CSPP1: variants seen among roughly 807,000 people sequenced by gnomAD.
The protein encoded by CSPP1 is centrosome and spindle pole-associated protein 1.
In CSPP1, 126 loss-of-function variants were observed where a neutral mutation model predicts 164.4. The ratio of observed to expected loss-of-function variants is 0.77; its 90% CI spans 0.66 to 0.89. The LOEUF is 0.89. Ranked by LOEUF, CSPP1 falls within the 40% of genes least tolerant of loss-of-function variation. The pLI is 0.00. For synonymous variants in CSPP1, 472 were observed against 476.7 expected, an observed-to-expected ratio of 0.99 and a Z score of 0.13; for missense variants, 1,395 against 1,449.8, an observed-to-expected ratio of 0.96 and a Z score of 0.61.
chr8:67,064,493 C>A lies in CSPP1; in HGVS notation c.-56C>A, dbSNP rs1563460152. The A allele has an allele frequency of 6.2e-7, 1 of 1,613,752 alleles. No individual in the cohort carries two copies. Among genetic ancestry groups the A allele is most frequent in the African/African-American group, 1.3e-5 (1 of 75,052 alleles). On this transcript the variant is annotated 5_prime_UTR_variant, in exon 1 of 31. The change creates a new upstream start codon in the 5' untranslated region. Coordinates refer to ENST00000678616, the MANE Select transcript of CSPP1 (RefSeq NM_001382391.1). Reference sequence around the variant, plus strand: ...TCTCCCCGGACGCGAGCCCGCTCCCCTGAGTAAGAGTCAGCCAGCCGCGGA... The same window carrying A: ...TCTCCCCGGACGCGAGCCCGCTCCCATGAGTAAGAGTCAGCCAGCCGCGGA...
intron 24 of CSPP1, among the ~76,000 whole-genome samples, chr8:67,169,967 C>A (rs918554363): frequency 6.6e-6 from 1 of 151,826 alleles, no homozygotes; most frequent in Non-Finnish European, 1.5e-5. Flanking sequence ...AGGCTGGTCT[C>A]GAACTCCTGA....
chr8:67,071,568 G>T lies in CSPP1; in HGVS notation c.-10-2675G>T, dbSNP rs1452746108. 2.0e-5 allele frequency among the ~76,000 whole-genome samples: 3 copies of T among 152,080 alleles called. No individual in the cohort carries two copies. The East Asian group carries it at 5.8e-4, about 29-fold the overall frequency. Reference sequence around the variant, plus strand: ...AATCTTGAATTTCTAACCGTCTACTGTAAATTTCCAGTAGCACATCTTACT... The same window carrying T: ...AATCTTGAATTTCTAACCGTCTACTTTAAATTTCCAGTAGCACATCTTACT... On this transcript the variant is annotated intron_variant, in intron 1 of 30. Coordinates refer to ENST00000678616, the MANE Select transcript of CSPP1 (RefSeq NM_001382391.1).
chr8:67,106,219 A>G (rs1815498472), intron 9 of CSPP1, among the ~76,000 whole-genome samples: 1 of 152,020 alleles, frequency 6.6e-6, no homozygotes, highest in African/African-American at 2.4e-5. Flanking sequence ...GAACACATCT[A>G]TGTATAATTT....
intron 17 of CSPP1, among the ~76,000 whole-genome samples, chr8:67,140,140 A>T (rs1823211480): frequency 6.6e-6 from 1 of 152,120 alleles, no homozygotes; most frequent in Admixed American, 6.5e-5. Context: ...GCTGGAGTGC[A>T]ATGGCACCAT....
intron 1 of CSPP1, among the ~76,000 whole-genome samples, chr8:67,068,388 T>C (rs1164590931): frequency 1.3e-5 from 2 of 152,210 alleles, no homozygotes; most frequent in East Asian, 3.8e-4. Flanking sequence ...CTACATACTA[T>C]GTACACAGCT....
At chr8:67,120,371 A>G (rs1818739268) in intron 15 of CSPP1, among the ~76,000 whole-genome samples, 1 of 152,142 alleles carries the variant, frequency 6.6e-6, no homozygotes, top group African/African-American at 2.4e-5. Context: ...CATATGAATT[A>G]TGGGATGAGT....
intron 15 of CSPP1, among the ~76,000 whole-genome samples, chr8:67,131,520 C>T (rs991239990): frequency 6.6e-6 from 1 of 152,090 alleles, no homozygotes; most frequent in Non-Finnish European, 1.5e-5. Context: ...AGACTTTTTC[C>T]TGTAATTACA....
intron 21 of CSPP1, among the ~76,000 whole-genome samples, chr8:67,160,009 TTCTTTTCTTTTCTTTTCTTTTC>T (rs1827928629): frequency 3.0e-5 from 3 of 100,914 alleles, no homozygotes; most frequent in Non-Finnish European, 5.2e-5. Flanking sequence ...TTCTTTTCTT[TTCTTTTCTTTTCTTTTCTTTTC>T]TTTTTCTTTT....
Position 67,159,917 on chromosome 8 carries a change from TTTCTTTCCTTTCCTTCC to T in CSPP1, c.2538+784_2538+800del, listed in dbSNP as rs1827691208. ...CTTTCTTTCTTTCTTTCTTTCTTTC[TTTCTTTCCTTTCCTTCC>T]TTCCTTCCTTCCTTCCTTCCTTCTT... On this transcript the variant is annotated intron_variant, in intron 21 of 30. Transcript: ENST00000678616. Among the ~76,000 whole-genome samples, 19 of 51,698 alleles carry T rather than the reference TTTCTTTCCTTTCCTTCC, an allele frequency of 3.7e-4. No individual in the cohort carries two copies. The East Asian group carries it at 4.5e-3, about 12-fold the overall frequency. The allele number at this position is 51,698 out of a possible 152,430, so 33.9% of individuals were successfully genotyped here.
chr8:67,154,118 G>T lies in CSPP1; in HGVS notation c.2223G>T (p.Lys741Asn). ...ELQIKQQELY[K>N]NFLRFQIEEK... ...AGATTAAACAGCAAGAATTATACAAGAATTTTCTTCGTTTCCAGGTGAAAT... is the reference window on the plus strand; with the variant it reads ...AGATTAAACAGCAAGAATTATACAATAATTTTCTTCGTTTCCAGGTGAAAT... Residue 741 changes from lysine to asparagine, a missense_variant, in exon 19 of 31, where the codon AAG (lysine) becomes AAT (asparagine). Lys to Asn is a moderately conservative substitution (Grantham distance 94). Coordinates refer to ENST00000678616, the MANE Select transcript of CSPP1 (RefSeq NM_001382391.1). 1 of 1,551,468 alleles carries T rather than the reference G, an allele frequency of 6.4e-7. No homozygotes were observed. Among genetic ancestry groups the T allele is most frequent in the Non-Finnish European group, 8.9e-7 (1 of 1,125,058 alleles).
intron 9 of CSPP1, among the ~76,000 whole-genome samples, chr8:67,108,266 G>GACA (rs1816055816): frequency 6.6e-6 from 1 of 151,914 alleles, no homozygotes; most frequent in Non-Finnish European, 1.5e-5. Flanking sequence ...ACTGGGTGTG[G>GACA]TGGCATGCAC....
intron 17 of CSPP1, among the ~76,000 whole-genome samples, chr8:67,147,919 T>C (rs1206851984): frequency 6.6e-6 from 1 of 152,008 alleles, no homozygotes; most frequent in Non-Finnish European, 1.5e-5. Context: ...CCCTCAACCA[T>C]TTTTATTTTT....
chr8:67,159,961 CTTTTCTTTTCT>C (rs1463911970), intron 21 of CSPP1, among the ~76,000 whole-genome samples: 9 of 29,254 alleles, frequency 3.1e-4, no homozygotes, highest in African/African-American at 1.2e-3. Flanking sequence ...TTCCTTCTTT[CTTTTCTTTTCT>C]TTTCTTTTCT....
chr8:67,178,409 G>T (rs190416798), intron 27 of CSPP1, among the ~76,000 whole-genome samples: 3 of 152,306 alleles, frequency 2.0e-5, no homozygotes, highest in Admixed American at 1.3e-4. Flanking sequence ...CTATGGACAA[G>T]AAACTGTTCT....
chr8:67,192,470 G>C (rs938581065), intron 29 of CSPP1, among the ~76,000 whole-genome samples: 7 of 152,128 alleles, frequency 4.6e-5, no homozygotes, highest in African/African-American at 1.7e-4. Flanking sequence ...GTGATTTTCA[G>C]ATCTTTTTTC....
chr8:67,163,915 G>A, intron 23 of CSPP1, 117 bp downstream of exon 23: 1 of 727,644 alleles, frequency 1.4e-6, no homozygotes, highest in Non-Finnish European at 2.2e-6. Flanking sequence ...TAGGTGCTGT[G>A]TACCCATTCT....
chr8:67,102,320 C>T (rs1173133877), intron 7 of CSPP1, among the ~76,000 whole-genome samples: 5 of 152,122 alleles, frequency 3.3e-5, no homozygotes, highest in South Asian at 2.1e-4. Context: ...TGACAGGTCG[C>T]GGTGGCTCAT....
chr8:67,170,084 G>A (rs1459607667), intron 24 of CSPP1, among the ~76,000 whole-genome samples: 47 of 152,024 alleles, frequency 3.1e-4, no homozygotes, highest in Admixed American at 1.3e-4. Flanking sequence ...TAGGCTGAGG[G>A]GAAGGTAATT....
At chr8:67,107,646 C>T (rs937389763) in intron 9 of CSPP1, among the ~76,000 whole-genome samples, 2 of 152,160 alleles carry the variant, frequency 1.3e-5, no homozygotes, top group African/African-American at 4.8e-5. Flanking sequence ...AGAGACAGGA[C>T]ATTCCATCTT....
Sources: gnomAD v4.1 joint callset for allele counts (sites outside exome capture counted in the v4.1 genomes callset) on GRCh38, gnomAD v4.1.1 for gene constraint, MANE v1.5 for transcripts, NCBI Gene and HGNC (gene_info 2026-07-23, HGNC 2026-07-21) for gene names.